UBR1: variants seen among roughly 807,000 people sequenced by gnomAD.
UBR1 encodes ubiquitin protein ligase E3 component n-recognin 1, also known as E3 ubiquitin-protein ligase UBR1.
UBR1 carries 102 observed loss-of-function variants against 242.1 expected under a neutral mutation model. That is an observed-to-expected ratio of 0.42 (90% CI 0.36 to 0.50). The LOEUF is 0.50. Among genes scored for constraint, UBR1 ranks in the 20% least tolerant of loss-of-function variants. The pLI is 0.01. For synonymous variants in UBR1, 675 were observed against 684.8 expected (o/e 0.99, Z 0.22); for missense variants, 1,772 against 2,101.8 (o/e 0.84, Z 3.07).
intron 22 of UBR1, 83 bp downstream of exon 22, chr15:43,027,693 T>G (rs776621005): frequency 1.3e-5 from 17 of 1,333,490 alleles, no homozygotes; most frequent in Non-Finnish European, 1.7e-5. Context: ...AGGCAAGAAC[T>G]TCAGAGCTTC....
At chr15:43,044,719 C>T (rs955693680) in intron 14 of UBR1, among the ~76,000 whole-genome samples, 11 of 152,000 alleles carry the variant, frequency 7.2e-5, no homozygotes, top group African/African-American at 2.2e-4. Flanking sequence ...GGTGAAACCC[C>T]GTCTCTACTA....
At chr15:42,960,343 T>C (rs1355616412) in intron 43 of UBR1, among the ~76,000 whole-genome samples, 1 of 152,212 alleles carries the variant, frequency 6.6e-6, no homozygotes, top group African/African-American at 2.4e-5. Flanking sequence ...TTGAAGTTAA[T>C]ACACCAGCAG....
chr15:43,046,967 AAC>A (rs1869351199), intron 14 of UBR1, among the ~76,000 whole-genome samples, 192 bp downstream of exon 14: 2 of 152,202 alleles, frequency 1.3e-5, no homozygotes, highest in African/African-American at 4.8e-5. Context: ...AAATAAGCAA[AAC>A]TACCACAGGG....
Position 43,002,610 on chromosome 15 carries a change from A to G in UBR1, c.3604T>C (p.Ser1202Pro). 6.2e-7 allele frequency: 1 copy of G among 1,614,166 alleles called. No homozygotes were observed. The highest frequency in any genetic ancestry group is 8.5e-7 in the Non-Finnish European group (1 of 1,180,038). The change falls in exon 32 of 47, where the codon TCT (serine) becomes CCT (proline). Residue 1202 changes from serine to proline, a missense_variant. Physicochemically the swap from Ser to Pro is moderately conservative, Grantham distance 74. Around this residue, in one of 3 missense-constraint regions of UBR1, gnomAD observed 965 missense variants for 1,079.7 expected, o/e 0.89. Transcript: ENST00000290650. ...SGEYLCPLCK[S>P]LCNTVIPIIP... is the part of the protein sequence containing the mutation. The stretch of plus-strand genomic sequence containing the variant: ...ATGGGGATCACAGTATTGCACAGAG[A>G]TTTGCAAAGAGGGCAAAGATATTCT...
intron 23 of UBR1, 94 bp from the exon 24 acceptor site, chr15:43,025,523 A>T: frequency 1.1e-6 from 1 of 882,488 alleles, no homozygotes; most frequent in Non-Finnish European, 1.8e-6. Flanking sequence ...CCACCTATTA[A>T]AATACTTTAT....
At chr15:42,947,665 GA>G (rs371849516) in intron 46 of UBR1, among the ~76,000 whole-genome samples, 1,544 of 152,274 alleles carry the variant, frequency 0.01, 13 homozygotes, top group Non-Finnish European at 0.016. Flanking sequence ...GCCAAATCAT[GA>G]GTGAACTTCC....
intron 15 of UBR1, among the ~76,000 whole-genome samples, 180 bp downstream of exon 15, chr15:43,043,035 C>T (rs2033439246): frequency 6.6e-6 from 1 of 152,074 alleles, no homozygotes; most frequent in African/African-American, 2.4e-5. Flanking sequence ...AAATAAGCAG[C>T]TTTAAATAGA....
chr15:42,977,897 C>T lies in UBR1; in HGVS notation c.4201G>A (p.Asp1401Asn). Residue 1401 changes from aspartate to asparagine, a missense_variant, in exon 38 of 47, where the codon GAT becomes AAT. Asp to Asn is a conservative substitution (Grantham distance 23). Around this residue, in one of 3 missense-constraint regions of UBR1, gnomAD observed 965 missense variants for 1,079.7 expected, o/e 0.89. Coordinates refer to ENST00000290650, the MANE Select transcript of UBR1 (RefSeq NM_174916.3). ...ACACTTACCAAAACATGAAACAGAT[C>T]TATAGACAGAAGGCATGGTGTATCT... ...SEDTPCLLSIDLFHVLVGAVL... is the reference protein window; with the variant it reads ...SEDTPCLLSINLFHVLVGAVL... The T allele has an allele frequency of 6.2e-7, 1 of 1,613,062 alleles. No homozygotes were observed. Among genetic ancestry groups the T allele is most frequent in the East Asian group, 2.2e-5 (1 of 44,736 alleles).
At chr15:43,061,937 T>C (rs937698373) in intron 6 of UBR1, among the ~76,000 whole-genome samples, 1 of 151,864 alleles carries the variant, frequency 6.6e-6, no homozygotes, top group Admixed American at 6.6e-5. Flanking sequence ...AAATACCACC[T>C]GTACTCCAAT....
rs140972409 is a variant in UBR1 at position 42,976,795 on chromosome 15, A to G, written c.4291T>C (p.Ser1431Pro). ...PVDLQPSSVSSSYNHLYLFHL... is the reference protein window; with the variant it reads ...PVDLQPSSVSPSYNHLYLFHL... Reference sequence around the variant, plus strand: ...AAGAGATAAAGGTGGTTATAGGAAGAACTAACTGAAGAAGGCTGCAGATCA... The same window carrying G: ...AAGAGATAAAGGTGGTTATAGGAAGGACTAACTGAAGAAGGCTGCAGATCA... Residue 1431 changes from serine (S) to proline (P), a missense_variant, in exon 39 of 47, where the codon TCT becomes CCT. Physicochemically the swap from Ser to Pro is moderately conservative, Grantham distance 74 (BLOSUM62 -1). Transcript: ENST00000290650. 1.5e-5 allele frequency: 24 copies of G among 1,614,180 alleles called. No homozygotes were observed. The highest frequency in any genetic ancestry group is 1.9e-5 in the Non-Finnish European group (22 of 1,180,020).
rs1436580555 is a variant in UBR1 at position 42,943,363 on chromosome 15, A to C, written c.*1966T>G. 1 of 152,614 alleles carries C rather than the reference A, an allele frequency of 6.6e-6. No homozygotes were observed. Among genetic ancestry groups the C allele is most frequent in the Non-Finnish European group, 1.5e-5 (1 of 68,048 alleles). 9.5% of individuals were successfully genotyped at this position (152,614 alleles called of 1,614,324 possible). ...ATAATTGTTTGCAATGATTAAGGTA[A>C]ATCACTAGGACATTTGAACATAATG... On this transcript the variant is annotated 3_prime_UTR_variant, in exon 47 of 47. Coordinates refer to ENST00000290650, the MANE Select transcript of UBR1 (RefSeq NM_174916.3).
chr15:42,950,603 T>C (rs2031818554), intron 45 of UBR1: 1 of 513,426 alleles, frequency 1.9e-6, no homozygotes. Context: ...AGATCATTTA[T>C]ACTGACGGAA....
Position 43,048,445 on chromosome 15 carries a change from T to C in UBR1, c.1486A>G (p.Met496Val). The C allele has an allele frequency of 1.2e-6, 2 of 1,613,826 alleles. No homozygotes were observed. Among genetic ancestry groups the C allele is most frequent in the Admixed American group, 1.7e-5 (1 of 60,020 alleles). ...KPTIWTERLRMQFLEGFRSFL... is the reference protein window; with the variant it reads ...KPTIWTERLRVQFLEGFRSFL... ...GATCGAAAACCTTCAAGGAACTGCATTCTTAATCTTTCTGTCCATATTGTG... is the reference window on the plus strand; with the variant it reads ...GATCGAAAACCTTCAAGGAACTGCACTCTTAATCTTTCTGTCCATATTGTG... The change falls in exon 13 of 47, where the codon ATG (methionine) becomes GTG (valine). Residue 496 changes from methionine to valine, a missense_variant. By Grantham distance (21) the Met-to-Val change is conservative (BLOSUM62 1). This residue lies in a region of UBR1 where 734 missense variants were observed against 893.3 expected (regional missense o/e 0.82). Transcript: ENST00000290650.
chr15:42,947,697 G>T (rs1419608715), intron 46 of UBR1, among the ~76,000 whole-genome samples: 1 of 152,114 alleles, frequency 6.6e-6, no homozygotes, highest in Non-Finnish European at 1.5e-5. Context: ...GCTTCAAAGA[G>T]AATAAAATAC....
At chr15:43,042,710 TTA>T (rs2033435637) in intron 15 of UBR1, among the ~76,000 whole-genome samples, 1 of 152,166 alleles carries the variant, frequency 6.6e-6, no homozygotes, top group Non-Finnish European at 1.5e-5. Context: ...ATGATAAGCT[TTA>T]TGTCATGTAC....
chr15:43,030,204 G>A (rs968172061), intron 20 of UBR1, 136 bp from the exon 21 acceptor site: 47 of 984,986 alleles, frequency 4.8e-5, no homozygotes, highest in Non-Finnish European at 6.9e-5. Context: ...TTATTTGAAT[G>A]TGTTCCCAAA....
At chr15:43,049,892 G>A (rs1193534638) in intron 12 of UBR1, among the ~76,000 whole-genome samples, 1 of 152,082 alleles carries the variant, frequency 6.6e-6, no homozygotes, top group Non-Finnish European at 1.5e-5. Context: ...CCTCACCTGA[G>A]TGCTCTTTAA....
rs375269406 is a variant in UBR1, at chr15:42,984,840, A to C, written c.4053+47T>G. ...TTTTAATAATAAACTGTGGGGGGGA[A>C]AAAAGGCATGCCATGAGTTACATGT... is the stretch of plus-strand genomic sequence containing the variant. On this transcript the variant is annotated intron_variant, in intron 36 of 46. Coordinates refer to ENST00000290650, the MANE Select transcript of UBR1 (RefSeq NM_174916.3). The C allele has an allele frequency of 4.1e-4, 618 of 1,520,580 alleles. 2 individuals carry two copies. The highest frequency in any genetic ancestry group is 5.5e-4 in the Non-Finnish European group (603 of 1,098,088). 94.2% of individuals were successfully genotyped at this position (1,520,580 alleles called of 1,614,324 possible). A position where few individuals can be genotyped will look rare whatever the true frequency, so the allele number is the denominator to read the frequency against.
intron 23 of UBR1, chr15:43,025,890 C>G (rs576706694): frequency 1.1e-4 from 18 of 157,600 alleles, no homozygotes; most frequent in Non-Finnish European, 2.4e-4. Context: ...TATAGAAATG[C>G]CGATGTTACA....
Sources: allele counts gnomAD v4.1 joint callset (sites outside exome capture counted in the v4.1 genomes callset), GRCh38; gene constraint gnomAD v4.1.1; regional missense constraint gnomAD v4.1.1; transcripts MANE v1.5; gene names NCBI Gene and HGNC (gene_info 2026-07-23, HGNC 2026-07-21).